DDX31: variants seen among roughly 807,000 people sequenced by gnomAD.
DDX31 encodes the protein DEAD-box helicase 31.
In DDX31, 70 loss-of-function variants were observed where a neutral mutation model predicts 91.3. The observed-to-expected ratio is 0.77, with a 90% CI of 0.63 to 0.94. The LOEUF is 0.94. Ranked by LOEUF, DDX31 falls within the 40% of genes least tolerant of loss-of-function variation. The pLI is 0.00. For missense variants in DDX31, 902 were observed against 925.0 expected, an observed-to-expected ratio of 0.98 and a Z score of 0.32; for synonymous variants, 362 against 350.6, an observed-to-expected ratio of 1.03 and a Z score of -0.36.
chr9:132,668,569 CTTTTT>C (rs35034055), intron 1 of DDX31, among the ~76,000 whole-genome samples: 2 of 127,438 alleles, frequency 1.6e-5, no homozygotes, highest in African/African-American at 5.8e-5. Flanking sequence ...CGGGGTGCAG[CTTTTT>C]TTTTTTTTTT....
intron 13 of DDX31, among the ~76,000 whole-genome samples, chr9:132,643,518 A>G (rs78341956): frequency 6.6e-6 from 1 of 152,350 alleles, no homozygotes; most frequent in East Asian, 1.9e-4. Context: ...CACTGGATAA[A>G]GACATACAAA....
At chr9:132,638,291 CT>C in intron 14 of DDX31, 33 of 1,611,694 alleles carry the variant, frequency 2.0e-5, no homozygotes, top group Non-Finnish European at 2.7e-5. Flanking sequence ...GGTGGTACTT[CT>C]TATCAACTCG....
chr9:132,648,653 G>A, intron 9 of DDX31, 102 bp from the exon 10 acceptor site: 2 of 1,354,238 alleles, frequency 1.5e-6, no homozygotes, highest in Non-Finnish European at 2.0e-6. Context: ...TTCATGTACA[G>A]TGCAAACGTG....
intron 14 of DDX31, 24 bp downstream of exon 14, chr9:132,641,980 C>T: frequency 1.9e-6 from 3 of 1,610,024 alleles, no homozygotes; most frequent in South Asian, 2.2e-5. Context: ...TCAGCCTTCA[C>T]ATGGAACACA....
chr9:132,658,411 C>G, intron 6 of DDX31: 1 of 702,086 alleles, frequency 1.4e-6, no homozygotes, highest in Non-Finnish European at 2.6e-6. Context: ...GGAACACATG[C>G]AAAGTATCAT....
rs1224638641 is a variant in DDX31 at position 132,593,662 on chromosome 9, G to C, written c.*1204C>G. 6.6e-6 allele frequency: 1 copy of C among 152,120 alleles called. No individual in the cohort carries two copies. Among genetic ancestry groups the C allele is most frequent in the Non-Finnish European group, 1.5e-5 (1 of 68,036 alleles). The allele number at this position is 152,120 out of a possible 1,614,324, so 9.4% of individuals were successfully genotyped here. A position where few individuals can be genotyped will look rare whatever the true frequency, so the allele number is the denominator to read the frequency against. On this transcript the variant is annotated 3_prime_UTR_variant, in exon 20 of 20. Transcript: ENST00000372159. ...GCCCACTGACATTCACCTGTGTCTAGAACGGAGGCAAGGATGCTGACCCCC... is the reference window on the plus strand; with the variant it reads ...GCCCACTGACATTCACCTGTGTCTACAACGGAGGCAAGGATGCTGACCCCC...
chr9:132,638,200 G>A, intron 14 of DDX31: 1 of 1,484,546 alleles, frequency 6.7e-7, no homozygotes, highest in East Asian at 2.5e-5. Flanking sequence ...GGACAATCAA[G>A]GACAGCCACC....
chr9:132,640,167 A>G (rs1482318626), intron 14 of DDX31, among the ~76,000 whole-genome samples: 1 of 152,234 alleles, frequency 6.6e-6, no homozygotes, highest in Non-Finnish European at 1.5e-5. Context: ...TGGGATGATC[A>G]TTACAGTGAA....
At chr9:132,645,851 G>C (rs768603672) in intron 13 of DDX31, 44 bp downstream of exon 13, 9 of 1,571,102 alleles carry the variant, frequency 5.7e-6, no homozygotes, top group Non-Finnish European at 6.9e-6. Context: ...CCATCTCCAC[G>C]TGGGGCCGCA....
chr9:132,658,176 T>C, intron 6 of DDX31: 2 of 653,784 alleles, frequency 3.1e-6, no homozygotes, highest in East Asian at 2.7e-5. Context: ...GGCCCCTACA[T>C]AGCACAGGAG....
intron 15 of DDX31, 60 bp from the exon 16 acceptor site, chr9:132,630,463 G>C: frequency 6.7e-7 from 1 of 1,500,258 alleles, no homozygotes. Flanking sequence ...TTAATTGGAA[G>C]TGCAATACTC....
chr9:132,647,034 C>T lies in DDX31; in HGVS notation c.992G>A (p.Ser331Asn), dbSNP rs1833884134. The T allele has an allele frequency of 1.2e-6, 2 of 1,613,766 alleles. No individual in the cohort carries two copies. Among genetic ancestry groups the T allele is most frequent in the South Asian group, 2.2e-5 (2 of 91,042 alleles). Reference protein sequence around the residue: ...TEGVTRLADISLHDPVSISVL... With the variant: ...TEGVTRLADINLHDPVSISVL... ...AGAAATACTGACTGGATCATGCAAA[C>T]TGATATCAGCTAGCCGCGTTACACC... is the stretch of plus-strand genomic sequence containing the variant. Residue 331 changes from serine (S) to asparagine (N), a missense_variant, in exon 12 of 20, where the codon AGT becomes AAT. Transcript: ENST00000372159.
chr9:132,646,168 A>G lies in DDX31; in HGVS notation c.1204-97T>C, dbSNP rs372385290. 5.3e-5 allele frequency: 66 copies of G among 1,257,126 alleles called. No homozygotes were observed. In the African/African-American group the frequency reaches 6.8e-4, roughly 13 times the overall value. 77.9% of individuals were successfully genotyped at this position (1,257,126 alleles called of 1,614,324 possible). A position where few individuals can be genotyped will look rare whatever the true frequency, so the allele number is the denominator to read the frequency against. On this transcript the variant is annotated intron_variant, in intron 12 of 19. Transcript: ENST00000372159. ...AAACTATACAGTCATGCTGACCCCC[A>G]TTTGGAAATAAAGGTGACTATCTTT...
At position 132,603,710 on chromosome 9, in the gene DDX31, C is replaced by A. The variant is rs375542205; in HGVS notation, c.1994+8377G>T. Among the ~76,000 whole-genome samples, 23 of 152,330 alleles carry A rather than the reference C, an allele frequency of 1.5e-4. 1 individual carries two copies. Among genetic ancestry groups the A allele is most frequent in the South Asian group, 1.4e-3 (7 of 4,828 alleles). On this transcript the variant is annotated intron_variant, in intron 19 of 19. Transcript: ENST00000372159. Reference sequence around the variant, plus strand: ...ACATCTACTAATTCCAGTGCTTGGGCAGCTCCAGCAGTGAATGTGCCCGTC... The same window carrying A: ...ACATCTACTAATTCCAGTGCTTGGGAAGCTCCAGCAGTGAATGTGCCCGTC...
chr9:132,640,694 G>A (rs1003155238), intron 14 of DDX31, among the ~76,000 whole-genome samples: 2 of 151,950 alleles, frequency 1.3e-5, no homozygotes, highest in Non-Finnish European at 2.9e-5. Context: ...TTGTAGAGAC[G>A]GGGTCTTGCT....
At position 132,601,397 on chromosome 9, in the gene DDX31, G is replaced by A. The variant is rs892499682; in HGVS notation, c.1995-6285C>T. On this transcript the variant is annotated intron_variant, in intron 19 of 19. Coordinates refer to ENST00000372159, the MANE Select transcript of DDX31 (RefSeq NM_022779.9). ...AACCTGAAACCAGAGGTCTGGGTTC[G>A]AATCGCGGCTCTGCCCAGTGGACAG... 5.3e-5 allele frequency among the ~76,000 whole-genome samples: 8 copies of A among 152,166 alleles called. No individual in the cohort carries two copies. In the South Asian group the frequency reaches 6.2e-4, roughly 12 times the overall value.
chr9:132,654,398 G>A (rs899678831), intron 6 of DDX31, among the ~76,000 whole-genome samples: 1 of 152,098 alleles, frequency 6.6e-6, no homozygotes, highest in Non-Finnish European at 1.5e-5. Context: ...ATTACTTGAG[G>A]TCAGGAGTTA....
At chr9:132,661,181 A>C (rs1834911751) in intron 4 of DDX31, 27 bp downstream of exon 4, 15 of 1,602,646 alleles carry the variant, frequency 9.4e-6, no homozygotes, top group Non-Finnish European at 1.3e-5. Context: ...AATGCCTAAG[A>C]AATCAAGAGG....
chr9:132,622,423 G>A (rs1048680866), intron 17 of DDX31, among the ~76,000 whole-genome samples: 5 of 152,166 alleles, frequency 3.3e-5, no homozygotes, highest in Admixed American at 3.3e-4. Context: ...AAAAAAAAAC[G>A]ACTGTAGCTT....
Sources: allele counts gnomAD v4.1 joint callset (sites outside exome capture counted in the v4.1 genomes callset), GRCh38; gene constraint gnomAD v4.1.1; transcripts MANE v1.5; gene names NCBI Gene and HGNC (gene_info 2026-07-23, HGNC 2026-07-21).